The following RBFOX1 variants were observed in gnomAD, a reference collection of about 807,000 sequenced individuals.
The protein encoded by RBFOX1 is RNA binding protein fox-1 homolog 1.
In RBFOX1, 8 loss-of-function variants were observed where a neutral mutation model predicts 57.7. The observed-to-expected ratio is 0.14, with a 90% CI of 0.08 to 0.25. The LOEUF (loss-of-function observed/expected upper bound fraction) is 0.25. RBFOX1 is among the 10% of genes least tolerant of loss of function. The probability of loss-of-function intolerance (pLI) is 1.00; values close to 1 mark genes in which losing one functional copy is unlikely to be tolerated. For synonymous variants in RBFOX1, 326 were observed against 222.4 expected, an observed-to-expected ratio of 1.47 and a Z score of -4.15; for missense variants, 611 against 548.5, an observed-to-expected ratio of 1.11 and a Z score of -1.14.
At chr16:5,329,145 A>G (rs2064672364) in intron 1 of RBFOX1, among the ~76,000 whole-genome samples, 1 of 152,366 alleles carries the variant, frequency 6.6e-6, no homozygotes, top group South Asian at 2.1e-4. Context: ...TGAAGTTCAC[A>G]AAGGTTATGT....
intron 1 of RBFOX1, among the ~76,000 whole-genome samples, chr16:6,130,814 G>C (rs1307668898): frequency 6.6e-6 from 1 of 152,132 alleles, no homozygotes; most frequent in Non-Finnish European, 1.5e-5. Flanking sequence ...TAATTCATGA[G>C]GAAGATATAA....
intron 3 of RBFOX1, among the ~76,000 whole-genome samples, chr16:6,879,372 C>G (rs759193897): frequency 1.8e-4 from 27 of 152,200 alleles, no homozygotes; most frequent in African/African-American, 6.5e-4. Context: ...TCATCTCTCT[C>G]TCTGCCCTGT....
At chr16:5,576,250 C>G (rs1381169870) in intron 2 of RBFOX1, among the ~76,000 whole-genome samples, 1 of 152,170 alleles carries the variant, frequency 6.6e-6, no homozygotes, top group Admixed American at 6.5e-5. Context: ...GCAGTGGTCT[C>G]CCAAAGTGTT....
chr16:6,594,845 G>A (rs1651715721), intron 2 of RBFOX1, among the ~76,000 whole-genome samples: 1 of 152,178 alleles, frequency 6.6e-6, no homozygotes, highest in Non-Finnish European at 1.5e-5. Flanking sequence ...CTGGAGTGCA[G>A]TGGCGTGATC....
At chr16:6,810,038 T>C (rs1286290016) in intron 3 of RBFOX1, among the ~76,000 whole-genome samples, 3 of 151,776 alleles carry the variant, frequency 2.0e-5, no homozygotes. Context: ...TTTTTTTTTT[T>C]TTTCTGTTAA....
chr16:7,182,976 C>G (rs1389264427), intron 4 of RBFOX1, among the ~76,000 whole-genome samples: 1 of 152,180 alleles, frequency 6.6e-6, no homozygotes, highest in Non-Finnish European at 1.5e-5. Flanking sequence ...ACACTGGAAT[C>G]TAAGCTTCCT....
intron 3 of RBFOX1, among the ~76,000 whole-genome samples, chr16:5,806,748 C>A (rs544391146): frequency 1.3e-5 from 2 of 152,276 alleles, no homozygotes; most frequent in South Asian, 2.1e-4. Flanking sequence ...GGTAATGCCC[C>A]GGGATAAGCT....
chr16:7,267,621 G>T (rs939183414), intron 4 of RBFOX1, among the ~76,000 whole-genome samples: 1 of 149,222 alleles, frequency 6.7e-6, no homozygotes, highest in African/African-American at 2.5e-5. Flanking sequence ...TTGGGAGGCT[G>T]AGGTGGGCGG....
intron 2 of RBFOX1, among the ~76,000 whole-genome samples, chr16:5,577,449 GC>G (rs1202525158): frequency 6.6e-5 from 10 of 152,114 alleles, no homozygotes; most frequent in Non-Finnish European, 1.3e-4. Flanking sequence ...GAAAAATGGT[GC>G]CTTATTTGAG....
At chr16:6,545,097 C>G (rs942655438) in intron 2 of RBFOX1, among the ~76,000 whole-genome samples, 10 of 152,132 alleles carry the variant, frequency 6.6e-5, no homozygotes, top group Non-Finnish European at 7.4e-5. Flanking sequence ...ATAACAATGG[C>G]TTTCCTCCAA....
chr16:6,471,672 C>A (rs1449797604), intron 2 of RBFOX1, among the ~76,000 whole-genome samples: 1 of 151,810 alleles, frequency 6.6e-6, no homozygotes, highest in African/African-American at 2.4e-5. Flanking sequence ...GGCCCACCAG[C>A]TATGCTTCAT....
intron 14 of RBFOX1, among the ~76,000 whole-genome samples, chr16:7,696,675 C>CAA (rs1267562651): frequency 6.6e-6 from 1 of 151,898 alleles, no homozygotes; most frequent in Non-Finnish European, 1.5e-5. Flanking sequence ...GAACAGATCC[C>CAA]AAAGCACGTA....
intron 3 of RBFOX1, among the ~76,000 whole-genome samples, chr16:6,655,372 TC>T: frequency 5.8e-5 from 1 of 17,132 alleles, no homozygotes; most frequent in East Asian, 1.3e-3. Context: ...AGCCTCCGTT[TC>T]AAAAAAAAAA....
intron 2 of RBFOX1, among the ~76,000 whole-genome samples, chr16:6,359,694 C>T (rs2088064184): frequency 6.6e-6 from 1 of 152,186 alleles, no homozygotes. Flanking sequence ...CTCTACCAAC[C>T]TTTCGAGCAT....
intron 3 of RBFOX1, among the ~76,000 whole-genome samples, chr16:5,683,197 A>G (rs1032490159): frequency 6.6e-6 from 1 of 152,014 alleles, no homozygotes. Flanking sequence ...AAGTCTCTCA[A>G]CCTTAGATGC....
At chr16:6,965,011 A>G (rs1470319744) in intron 3 of RBFOX1, among the ~76,000 whole-genome samples, 2 of 152,208 alleles carry the variant, frequency 1.3e-5, no homozygotes, top group East Asian at 1.9e-4. Context: ...GGTGGAAATG[A>G]TTATGATTGT....
At chr16:7,310,185 G>A (rs964131056) in intron 4 of RBFOX1, among the ~76,000 whole-genome samples, 3 of 152,184 alleles carry the variant, frequency 2.0e-5, no homozygotes, top group East Asian at 1.9e-4. Flanking sequence ...CAATGGACCC[G>A]CAGGCCGCCT....
intron 1 of RBFOX1, among the ~76,000 whole-genome samples, chr16:6,145,302 C>T (rs1222632765): frequency 6.6e-6 from 1 of 152,080 alleles, no homozygotes; most frequent in Non-Finnish European, 1.5e-5. Context: ...TTTTCTGTTC[C>T]TCCATTAGTT....
intron 3 of RBFOX1, among the ~76,000 whole-genome samples, chr16:5,663,253 C>T (rs539137004): frequency 2.6e-5 from 4 of 152,258 alleles, no homozygotes; most frequent in East Asian, 1.9e-4. Context: ...TTCTGTCACC[C>T]GGGCTGGAGT....
Sources: gnomAD v4.1 joint callset for allele counts (sites outside exome capture counted in the v4.1 genomes callset) on GRCh38, gnomAD v4.1.1 for gene constraint, MANE v1.5 for transcripts, NCBI Gene and HGNC (gene_info 2026-07-23, HGNC 2026-07-21) for gene names.